GRHL2: variants seen among roughly 807,000 people sequenced by gnomAD.
The protein encoded by GRHL2 is grainyhead like transcription factor 2.
Under a neutral mutation model 83.8 loss-of-function variants are expected in GRHL2, and 21 were observed. The ratio of observed to expected loss-of-function variants is 0.25; its 90% confidence interval spans 0.18 to 0.36. GRHL2 has a LOEUF of 0.36. GRHL2 is among the 10% of genes least tolerant of loss of function. The pLI is 1.00. For missense variants in GRHL2, 623 were observed against 781.8 expected (o/e 0.80, Z 2.42); for synonymous variants, 280 against 278.9 (o/e 1.00, Z -0.04).
chr8:101,643,377 A>AAG (rs1554595709), intron 12 of GRHL2, among the ~76,000 whole-genome samples: 1 of 101,414 alleles, frequency 9.9e-6, no homozygotes, highest in Non-Finnish European at 2.0e-5. Context: ...CTCAAAAAAA[A>AAG]AAAAAAAAAA....
At chr8:101,655,618 TATC>T (rs72107241) in intron 14 of GRHL2, among the ~76,000 whole-genome samples, 50,936 of 151,812 alleles carry the variant, frequency 0.34, 9,263 homozygotes, top group African/African-American at 0.47. Context: ...AAAAGTTCTC[TATC>T]ATCAGCCAGA....
chr8:101,618,677 C>A (rs1341692538), intron 8 of GRHL2, among the ~76,000 whole-genome samples: 1 of 151,842 alleles, frequency 6.6e-6, no homozygotes, highest in Non-Finnish European at 1.5e-5. Flanking sequence ...ATTCGCTCAT[C>A]TAATGTTTAT....
intron 1 of GRHL2, among the ~76,000 whole-genome samples, chr8:101,541,433 C>T (rs762162471): frequency 6.6e-6 from 1 of 151,852 alleles, no homozygotes; most frequent in Non-Finnish European, 1.5e-5. Context: ...ATATACATTC[C>T]TATCAACAGT....
intron 8 of GRHL2, among the ~76,000 whole-genome samples, chr8:101,606,229 A>G (rs935282773): frequency 6.6e-6 from 1 of 150,608 alleles, no homozygotes; most frequent in African/African-American, 2.5e-5. Context: ...TTCCTTTTAT[A>G]GAGAGATTCC....
At chr8:101,497,521 C>A (rs926539882) in intron 1 of GRHL2, among the ~76,000 whole-genome samples, 1 of 152,202 alleles carries the variant, frequency 6.6e-6, no homozygotes, top group South Asian at 2.1e-4. Flanking sequence ...AGATGATGCA[C>A]ATGCTTAAAA....
At chr8:101,658,063 T>C (rs112815769) in intron 14 of GRHL2, among the ~76,000 whole-genome samples, 3,361 of 152,210 alleles carry the variant, frequency 0.022, 129 homozygotes, top group African/African-American at 0.075. Context: ...GGTCTCACTT[T>C]CCAGGGTTCT....
rs533033532 is a variant in GRHL2, at chr8:101,498,472, G to A, written c.20+5683G>A. Among the ~76,000 whole-genome samples the A allele has an allele frequency of 1.8e-4, 27 of 152,236 alleles. 1 individual carries two copies. In the South Asian group the frequency reaches 5.2e-3, roughly 29 times the overall value. On this transcript the variant is annotated intron_variant, in intron 1 of 15. Transcript: ENST00000646743. ...CTGAATTCAGATTCTATTTTGTAGCGCAAAGTCAAAGGTAAAGAGCTCTAG... is the reference window on the plus strand; with the variant it reads ...CTGAATTCAGATTCTATTTTGTAGCACAAAGTCAAAGGTAAAGAGCTCTAG...
intron 8 of GRHL2, among the ~76,000 whole-genome samples, chr8:101,608,555 A>G (rs183376364): frequency 6.6e-6 from 1 of 152,340 alleles, no homozygotes; most frequent in African/African-American, 2.4e-5. Context: ...TCTATGGGAG[A>G]TAAAGTGCTA....
intron 7 of GRHL2, among the ~76,000 whole-genome samples, chr8:101,590,728 G>A (rs979948043): frequency 1.3e-5 from 2 of 151,988 alleles, no homozygotes; most frequent in East Asian, 1.9e-4. Flanking sequence ...TAAGCACCAC[G>A]GCCCCAAATA....
At chr8:101,530,637 C>G (rs1017804578) in intron 1 of GRHL2, among the ~76,000 whole-genome samples, 3 of 152,188 alleles carry the variant, frequency 2.0e-5, no homozygotes, top group African/African-American at 7.2e-5. Flanking sequence ...CTACCCATCA[C>G]CCCATTCAAT....
At chr8:101,607,471 AC>A (rs1812654842) in intron 8 of GRHL2, among the ~76,000 whole-genome samples, 2 of 152,288 alleles carry the variant, frequency 1.3e-5, no homozygotes, top group South Asian at 4.2e-4. Flanking sequence ...CTTTCTGCTT[AC>A]AAGACAGTCT....
chr8:101,560,108 C>T (rs1257442348), intron 4 of GRHL2, among the ~76,000 whole-genome samples: 8 of 151,984 alleles, frequency 5.3e-5, no homozygotes, highest in African/African-American at 1.7e-4. Context: ...CCGGTTCAAG[C>T]GATTCTCCTG....
intron 1 of GRHL2, among the ~76,000 whole-genome samples, chr8:101,540,388 T>C (rs1811127819): frequency 6.6e-6 from 1 of 152,218 alleles, no homozygotes. Context: ...AACAGTATGG[T>C]AGTAAGCCTG....
intron 3 of GRHL2, 68 bp downstream of exon 3, chr8:101,552,850 T>C: frequency 2.7e-6 from 4 of 1,462,038 alleles, no homozygotes; most frequent in East Asian, 2.4e-5. Flanking sequence ...TTAAACTGTA[T>C]GTTTTGTTCT....
chr8:101,625,887 T>C (rs554653984), intron 9 of GRHL2, among the ~76,000 whole-genome samples: 5 of 151,968 alleles, frequency 3.3e-5, no homozygotes, highest in Non-Finnish European at 7.4e-5. Flanking sequence ...TATTAAGGGT[T>C]GGAGTCGGGG....
intron 8 of GRHL2, among the ~76,000 whole-genome samples, 194 bp from the exon 9 acceptor site, chr8:101,619,345 A>T (rs556994100): frequency 2.6e-5 from 4 of 152,356 alleles, no homozygotes; most frequent in Admixed American, 2.0e-4. Context: ...ATGAAAGCAG[A>T]TTTTAAAAAT....
chr8:101,521,277 C>T (rs1380678102), intron 1 of GRHL2, among the ~76,000 whole-genome samples: 2 of 152,130 alleles, frequency 1.3e-5, no homozygotes, highest in Non-Finnish European at 2.9e-5. Flanking sequence ...AGTCCCTGTT[C>T]CCCAAGAATG....
intron 7 of GRHL2, among the ~76,000 whole-genome samples, chr8:101,583,728 G>A (rs1298992415): frequency 6.6e-6 from 1 of 152,172 alleles, no homozygotes; most frequent in Non-Finnish European, 1.5e-5. Context: ...TCCTCAAATA[G>A]TGGATAATTC....
intron 14 of GRHL2, among the ~76,000 whole-genome samples, chr8:101,657,023 A>C (rs1189404342): frequency 3.9e-5 from 6 of 152,210 alleles, no homozygotes; most frequent in African/African-American, 1.4e-4. Context: ...ATGTCTACAA[A>C]GAAAAAGGTC....
Sources: gnomAD v4.1 joint callset for allele counts (sites outside exome capture counted in the v4.1 genomes callset) on GRCh38, gnomAD v4.1.1 for gene constraint, MANE v1.5 for transcripts, NCBI Gene and HGNC (gene_info 2026-07-23, HGNC 2026-07-21) for gene names.